The following NUP210L variants were observed in gnomAD, a reference collection of about 807,000 sequenced individuals.
NUP210L encodes the protein nuclear pore membrane glycoprotein 210-like.
Under a neutral mutation model 208.5 loss-of-function variants are expected in NUP210L, and 74 were observed. The observed-to-expected ratio is 0.35, with a 90% CI of 0.29 to 0.43. The LOEUF (loss-of-function observed/expected upper bound fraction) is 0.43. NUP210L is among the 20% of genes least tolerant of loss of function. The probability of loss-of-function intolerance (pLI) is 1.00; values close to 1 mark genes in which losing one functional copy is unlikely to be tolerated. For synonymous variants in NUP210L, 780 were observed against 816.9 expected, an observed-to-expected ratio of 0.95 and a Z score of 0.77; for missense variants, 1,843 against 2,289.4, an observed-to-expected ratio of 0.81 and a Z score of 3.98.
chr1:154,076,919 A>C (rs1571243665), intron 16 of NUP210L, among the ~76,000 whole-genome samples: 1 of 152,230 alleles, frequency 6.6e-6, no homozygotes, highest in Non-Finnish European at 1.5e-5. Flanking sequence ...AAAGATCTAC[A>C]TCTAGACACA....
chr1:153,997,857 TTTTA>T (rs954972715), intron 37 of NUP210L, among the ~76,000 whole-genome samples: 2 of 151,194 alleles, frequency 1.3e-5, no homozygotes, highest in Non-Finnish European at 2.9e-5. Flanking sequence ...ACCTGGCTAT[TTTTA>T]TTTATTTTTA....
At chr1:154,093,968 C>T (rs1383539867) in intron 15 of NUP210L, among the ~76,000 whole-genome samples, 2 of 151,992 alleles carry the variant, frequency 1.3e-5, no homozygotes, top group African/African-American at 4.8e-5. Context: ...CTGGCCAACA[C>T]AGTGAAACCC....
chr1:154,117,099 T>C (rs1248166249), intron 12 of NUP210L, among the ~76,000 whole-genome samples: 1 of 152,242 alleles, frequency 6.6e-6, no homozygotes, highest in Non-Finnish European at 1.5e-5. Flanking sequence ...ATAATTAGTA[T>C]AATAAATACA....
intron 35 of NUP210L, among the ~76,000 whole-genome samples, chr1:154,005,653 C>G (rs1385553726): frequency 5.3e-5 from 8 of 149,940 alleles, no homozygotes; most frequent in African/African-American, 1.2e-4. Flanking sequence ...TCTCCTGCCT[C>G]AGCCTCCCGA....
intron 20 of NUP210L, among the ~76,000 whole-genome samples, chr1:154,059,091 T>C (rs1303761544): frequency 6.6e-6 from 1 of 152,082 alleles, no homozygotes; most frequent in Admixed American, 6.6e-5. Flanking sequence ...TCCCAGCACT[T>C]TGAGAGGCTG....
Position 153,995,027 on chromosome 1 carries a change from AAG to A in NUP210L, c.5491+47_5491+48del, listed in dbSNP as rs761563261. 3.1e-4 allele frequency: 380 copies of A among 1,209,660 alleles called. 3 individuals are homozygous for A. In the African/African-American group the frequency reaches 5.1e-3, roughly 16 times the overall value. 74.9% of individuals were successfully genotyped at this position (1,209,660 alleles called of 1,614,324 possible). A position where few individuals can be genotyped will look rare whatever the true frequency, so the allele number is the denominator to read the frequency against. On this transcript the variant is annotated intron_variant, in intron 38 of 39. Transcript: ENST00000368559. ...ACTCCATCTCAAAAAAAAAAAAAAA[AAG>A]GCAGTTTTCATGTCAAAGTCTATGT...
intron 23 of NUP210L, among the ~76,000 whole-genome samples, chr1:154,056,098 A>C (rs562156034): frequency 6.6e-6 from 1 of 152,326 alleles, no homozygotes; most frequent in African/African-American, 2.4e-5. Flanking sequence ...AAGTAGTGAA[A>C]TTACAGGTGA....
At chr1:154,084,759 C>T (rs915329676) in intron 16 of NUP210L, among the ~76,000 whole-genome samples, 11 of 149,348 alleles carry the variant, frequency 7.4e-5, no homozygotes, top group Non-Finnish European at 1.6e-4. Context: ...AAGCATGAGC[C>T]ACTGCATCCA....
At chr1:154,026,082 A>AT (rs1182074266) in intron 29 of NUP210L, among the ~76,000 whole-genome samples, 13 of 150,586 alleles carry the variant, frequency 8.6e-5, no homozygotes, top group Non-Finnish European at 1.3e-4. Context: ...AAAAAAAAAA[A>AT]TTTTTAGCTG....
chr1:154,135,059 A>C (rs1229155995), intron 7 of NUP210L, among the ~76,000 whole-genome samples: 2 of 151,954 alleles, frequency 1.3e-5, no homozygotes, highest in Non-Finnish European at 2.9e-5. Context: ...TTCTTTGTTC[A>C]ATCCTTGCAT....
chr1:154,104,876 G>A (rs907768250), intron 12 of NUP210L, among the ~76,000 whole-genome samples: 3 of 151,908 alleles, frequency 2.0e-5, no homozygotes, highest in Admixed American at 1.3e-4. Context: ...ATGACCTAGT[G>A]AGACACCTGC....
chr1:154,153,640 C>T (rs147050679), intron 1 of NUP210L, among the ~76,000 whole-genome samples: 44 of 150,572 alleles, frequency 2.9e-4, no homozygotes, highest in African/African-American at 1.0e-3. Context: ...GAGACGGGGT[C>T]TCACTATGTT....
intron 24 of NUP210L, 73 bp downstream of exon 24, chr1:154,054,697 G>GGTGT (rs750808455): frequency 4.8e-6 from 5 of 1,039,350 alleles, no homozygotes; most frequent in East Asian, 2.4e-5. Flanking sequence ...TAGGAAGAGA[G>GGTGT]GTGTGTGTGT....
chr1:154,142,357 A>T (rs1044185212), intron 3 of NUP210L, among the ~76,000 whole-genome samples: 1 of 150,158 alleles, frequency 6.7e-6, no homozygotes. Context: ...TCCCACCTAA[A>T]TTTTTTTTTT....
intron 2 of NUP210L, among the ~76,000 whole-genome samples, chr1:154,144,182 A>AAAAT (rs1258786193): frequency 6.6e-6 from 1 of 152,148 alleles, no homozygotes; most frequent in South Asian, 2.1e-4. Flanking sequence ...CTCTGTCTCA[A>AAAAT]AAATAAATAA....
intron 16 of NUP210L, among the ~76,000 whole-genome samples, chr1:154,087,393 C>T (rs978954449): frequency 6.6e-6 from 1 of 150,536 alleles, no homozygotes; most frequent in Non-Finnish European, 1.5e-5. Context: ...AATGAGATAC[C>T]ACTTTATACC....
intron 27 of NUP210L, among the ~76,000 whole-genome samples, chr1:154,043,208 C>T (rs555509276): frequency 2.0e-5 from 3 of 150,784 alleles, no homozygotes; most frequent in South Asian, 2.1e-4. Flanking sequence ...TTGGTAGAGA[C>T]GGGGTTTTGC....
At chr1:153,993,048 C>A in exon 39 of NUP210L, 4 of 1,613,638 alleles carry the variant, frequency 2.5e-6, no homozygotes, top group Non-Finnish European at 3.4e-6. Context: ...GGTACATACA[C>A]AACTGGAACT....
intron 10 of NUP210L, among the ~76,000 whole-genome samples, chr1:154,119,806 G>T (rs1167132438): frequency 6.6e-6 from 1 of 152,110 alleles, no homozygotes; most frequent in Non-Finnish European, 1.5e-5. Context: ...ATGGACATTT[G>T]GGTTGGTTCC....
Sources: allele counts gnomAD v4.1 joint callset (sites outside exome capture counted in the v4.1 genomes callset), GRCh38; gene constraint gnomAD v4.1.1; transcripts MANE v1.5; gene names NCBI Gene and HGNC (gene_info 2026-07-23, HGNC 2026-07-21).